Variants in SNX31 observed in about 807,000 individuals in gnomAD.
The protein encoded by SNX31 is sorting nexin 31.
Under a neutral mutation model 65.4 loss-of-function variants are expected in SNX31, and 58 were observed. That is an observed-to-expected ratio of 0.89 (90% CI 0.72 to 1.10). The LOEUF is 1.10. Among genes scored for constraint, SNX31 ranks in the 50% least tolerant of loss-of-function variants. The probability of loss-of-function intolerance (pLI) is 0.00; values close to 1 mark genes in which losing one functional copy is unlikely to be tolerated. For missense variants in SNX31, 523 were observed against 529.7 expected (o/e 0.99, Z 0.12); for synonymous variants, 181 against 190.1 (o/e 0.95, Z 0.39).
chr8:100,596,396 C>T (rs1005639248), intron 10 of SNX31, among the ~76,000 whole-genome samples: 1 of 152,090 alleles, frequency 6.6e-6, no homozygotes, highest in Non-Finnish European at 1.5e-5. Context: ...AGCCACCCTT[C>T]AAGCAGTAGG....
At chr8:100,608,074 C>A (rs1816339694) in intron 8 of SNX31, among the ~76,000 whole-genome samples, 2 of 152,198 alleles carry the variant, frequency 1.3e-5, no homozygotes, top group South Asian at 4.1e-4. Context: ...GTGTCAGCTG[C>A]AAATTCAGAG....
At chr8:100,592,027 CAAT>C (rs1312608058) in intron 10 of SNX31, among the ~76,000 whole-genome samples, 2 of 151,946 alleles carry the variant, frequency 1.3e-5, no homozygotes, top group Non-Finnish European at 2.9e-5. Context: ...AAAAATCAAT[CAAT>C]AGTACATACT....
In SNX31 at chr8:100,612,017, C is replaced by T; in HGVS notation, c.594G>A (p.Lys198=). Residue 198 remains lysine (K), a synonymous_variant, in exon 7 of 14, where the codon AAG becomes AAA. Coordinates refer to ENST00000311812, the MANE Select transcript of SNX31 (RefSeq NM_152628.4). The surrounding 1 kb of genome is among the most constrained non-coding windows in gnomAD (Gnocchi z 4.3). ...CTACTTACCACTTTCGGAGTCCAAC[C>T]TTACAGTTTTCCACCTCAGAACTTC... ...SLGSSEVENC[K]VGLRKWYMAP... is the part of the protein sequence containing the mutation. 1 of 1,614,082 alleles carries T rather than the reference C, an allele frequency of 6.2e-7. No homozygotes were observed. The highest frequency in any genetic ancestry group is 8.5e-7 in the Non-Finnish European group (1 of 1,179,974).
Position 100,617,679 on chromosome 8 carries a change from T to C in SNX31, c.373A>G (p.Asn125Asp). ...ATTTCGATTCTAATACTCTGTTCAT[T>C]GGGCAGAAATATGTCCAGATAAGCT... Reference protein sequence around the residue: ...KKAYLDIFLPNEQSIRIEIIT... With the variant: ...KKAYLDIFLPDEQSIRIEIIT... Residue 125 changes from asparagine (N) to aspartate (D), a missense_variant, in exon 5 of 14, where the codon AAT (asparagine) becomes GAT (aspartate). By Grantham distance (23) the Asn-to-Asp change is conservative. Coordinates refer to ENST00000311812, the MANE Select transcript of SNX31 (RefSeq NM_152628.4). The C allele has an allele frequency of 1.2e-6, 2 of 1,614,042 alleles. No individual in the cohort carries two copies. The highest frequency in any genetic ancestry group is 2.2e-5 in the South Asian group (2 of 91,054).
chr8:100,602,823 T>A (rs773500879), intron 8 of SNX31, among the ~76,000 whole-genome samples: 2 of 152,206 alleles, frequency 1.3e-5, no homozygotes, highest in Admixed American at 6.5e-5. Flanking sequence ...TGGCATGCAA[T>A]TTAAAACTTA....
chr8:100,616,398 G>C (rs1055946227), intron 5 of SNX31, among the ~76,000 whole-genome samples: 6 of 152,296 alleles, frequency 3.9e-5, no homozygotes, highest in African/African-American at 1.2e-4. Context: ...AGAGCTACCT[G>C]CCTGGCCCCA....
chr8:100,587,056 T>G (rs547743442), intron 11 of SNX31, among the ~76,000 whole-genome samples: 3 of 152,322 alleles, frequency 2.0e-5, no homozygotes, highest in African/African-American at 7.2e-5. Context: ...TCTTCTTTCC[T>G]AAGAGACCCT....
At chr8:100,645,233 A>G (rs1354897085) in intron 2 of SNX31, among the ~76,000 whole-genome samples, 1 of 152,278 alleles carries the variant, frequency 6.6e-6, no homozygotes, top group East Asian at 1.9e-4. Context: ...AGGATGCAGA[A>G]CTTCCCAGAA....
intron 8 of SNX31, among the ~76,000 whole-genome samples, chr8:100,606,096 C>T (rs1245156147): frequency 2.0e-5 from 3 of 151,592 alleles, no homozygotes; most frequent in Non-Finnish European, 2.9e-5. Flanking sequence ...AGTGTAATGG[C>T]GTGATCACAT....
Position 100,610,800 on chromosome 8 carries a change from A to C in SNX31, c.611+1200T>G, listed in dbSNP as rs547208118. ...TGCCTTGCTGGGAATATCCTTCCAC[A>C]ATTCAAAGCCACAAACTGGAGCTCT... On this transcript the variant is annotated intron_variant, in intron 7 of 13. Transcript: ENST00000311812. This position sits in a 1 kb window ranked among gnomAD's most constrained non-coding sequence, Gnocchi z 4.0. Among the ~76,000 whole-genome samples the C allele has an allele frequency of 9.8e-5, 15 of 152,358 alleles. No homozygotes were observed. Among genetic ancestry groups the C allele is most frequent in the Non-Finnish European group, 1.9e-4 (13 of 68,032 alleles).
chr8:100,635,026 C>T (rs2131210525), intron 3 of SNX31, among the ~76,000 whole-genome samples: 1 of 152,164 alleles, frequency 6.6e-6, no homozygotes, highest in South Asian at 2.1e-4. Flanking sequence ...GATTGTGCCA[C>T]TGTACTCCAG....
intron 8 of SNX31, among the ~76,000 whole-genome samples, chr8:100,607,820 A>T (rs866364497): frequency 6.6e-6 from 1 of 152,212 alleles, no homozygotes; most frequent in African/African-American, 2.4e-5. Context: ...TTAATTTTTT[A>T]AAATAAAAAC....
chr8:100,605,755 T>C (rs1816094641), intron 8 of SNX31, among the ~76,000 whole-genome samples: 1 of 152,204 alleles, frequency 6.6e-6, no homozygotes, highest in African/African-American at 2.4e-5. Flanking sequence ...TGTTTCCCTC[T>C]GGTTATAAAT....
intron 1 of SNX31, chr8:100,657,892 AAAT>A (rs1820077018): frequency 2.8e-6 from 1 of 358,088 alleles, no homozygotes; most frequent in East Asian, 7.6e-5. Flanking sequence ...AAAAAACAAA[AAAT>A]AACAACAACA....
chr8:100,661,847 C>T (rs903236629), intron 1 of SNX31, among the ~76,000 whole-genome samples: 10 of 152,112 alleles, frequency 6.6e-5, no homozygotes, highest in African/African-American at 2.4e-4. Flanking sequence ...TTTTTTGAGA[C>T]AGAATCTTGC....
intron 8 of SNX31, 38 bp from the exon 9 acceptor site, chr8:100,600,479 C>G: frequency 6.5e-7 from 1 of 1,546,572 alleles, no homozygotes; most frequent in Non-Finnish European, 8.9e-7. Context: ...GCAGTCTTAG[C>G]AGAAATTAAT....
At position 100,604,996 on chromosome 8, in the gene SNX31, T is replaced by G. The variant is rs1479445065; in HGVS notation, c.681+3498A>C. Among the ~76,000 whole-genome samples, 1 of 152,126 alleles carries G rather than the reference T, an allele frequency of 6.6e-6. No individual in the cohort carries two copies. Among genetic ancestry groups the G allele is most frequent in the East Asian group, 1.9e-4 (1 of 5,186 alleles). On this transcript the variant is annotated intron_variant, in intron 8 of 13. Transcript: ENST00000311812. This position sits in a 1 kb window ranked among gnomAD's most constrained non-coding sequence, Gnocchi z 4.3. ...TCCCTGCAACCTCTGCCTCCTGGGT[T>G]CAAGAGATTCTCCTGCCTCGGCCTC...
At chr8:100,583,333 T>C (rs1249880748) in intron 12 of SNX31, among the ~76,000 whole-genome samples, 3 of 151,992 alleles carry the variant, frequency 2.0e-5, no homozygotes, top group African/African-American at 4.8e-5. Context: ...CTCAAACTCC[T>C]GACCTCAAGT....
intron 9 of SNX31, among the ~76,000 whole-genome samples, chr8:100,599,993 A>G (rs1815470002): frequency 6.6e-6 from 1 of 152,212 alleles, no homozygotes. Flanking sequence ...AAAGTGATTT[A>G]TAGCAGCAAG....
Sources: gnomAD v4.1 joint callset for allele counts (sites outside exome capture counted in the v4.1 genomes callset) on GRCh38, gnomAD v4.1.1 for gene constraint, Gnocchi (gnomAD v3.1) non-coding constraint, MANE v1.5 for transcripts, NCBI Gene and HGNC (gene_info 2026-07-23, HGNC 2026-07-21) for gene names.